The following MAP3K15 variants were observed in gnomAD, a reference collection of about 807,000 sequenced individuals.
The protein encoded by MAP3K15 is mitogen-activated protein kinase kinase kinase 15, also known as MAPK/ERK kinase kinase 15.
In MAP3K15, 124 loss-of-function variants were observed where a neutral mutation model predicts 99.5. The ratio of observed to expected loss-of-function variants is 1.25; its 90% CI spans 1.08 to 1.45. The LOEUF (loss-of-function observed/expected upper bound fraction) is 1.45, where lower values mean the gene tolerates loss of function less well. MAP3K15 is among the 40% of genes most tolerant of loss of function. The pLI, the probability that MAP3K15 is intolerant of heterozygous loss-of-function variation, is 0.00. For missense variants in MAP3K15, 1,242 were observed against 1,079.7 expected, an observed-to-expected ratio of 1.15 and a Z score of -2.11; for synonymous variants, 494 against 439.6, an observed-to-expected ratio of 1.12 and a Z score of -1.55.
At chrX:19,492,404 A>G (rs942061669) in intron 1 of MAP3K15, among the ~76,000 whole-genome samples, 1 of 111,473 alleles carries the variant, frequency 9.0e-6, no homozygotes, top group East Asian at 2.8e-4. Context: ...TGTCTCACCT[A>G]AAAATATTTT....
At chrX:19,387,621 A>G (rs1475206420) in intron 18 of MAP3K15, among the ~76,000 whole-genome samples, 2 of 111,081 alleles carry the variant, frequency 1.8e-5, no homozygotes, top group Non-Finnish European at 3.8e-5. Flanking sequence ...TCCTGGGCTC[A>G]AGCGATCCTC....
intron 24 of MAP3K15, among the ~76,000 whole-genome samples, chrX:19,369,987 G>C (rs1406848083): frequency 1.8e-5 from 2 of 111,472 alleles, no homozygotes; most frequent in African/African-American, 6.5e-5. Context: ...ACTACAGAAG[G>C]TGTCTGCTTG....
intron 10 of MAP3K15, chrX:19,414,401 A>C (rs73637640): frequency 0.13 from 29,359 of 234,631 alleles, 6,215 homozygotes; most frequent in African/African-American, 0.72. Context: ...TTCAAACAAT[A>C]TTTTATTAGA....
chrX:19,465,192 C>A (rs1569233956), intron 3 of MAP3K15, among the ~76,000 whole-genome samples: 1 of 111,208 alleles, frequency 9.0e-6, no homozygotes, highest in African/African-American at 3.3e-5. Context: ...CCATATCTGG[C>A]CTAAATTTCG....
intron 16 of MAP3K15, among the ~76,000 whole-genome samples, 197 bp downstream of exon 16, chrX:19,394,884 T>C (rs2063557143): frequency 1.1e-5 from 1 of 94,338 alleles, no homozygotes; most frequent in Admixed American, 1.3e-4. Flanking sequence ...AGTGCAGTGC[T>C]GTGATCATGG....
intron 4 of MAP3K15, among the ~76,000 whole-genome samples, chrX:19,463,232 T>C (rs2064143959): frequency 1.8e-5 from 2 of 111,999 alleles, no homozygotes; most frequent in Non-Finnish European, 3.8e-5. Flanking sequence ...TCCTTTTCCA[T>C]TAAAGTCTGT....
At chrX:19,434,271 C>A (rs944818116) in intron 6 of MAP3K15, among the ~76,000 whole-genome samples, 3 of 108,699 alleles carry the variant, frequency 2.8e-5, no homozygotes, top group Non-Finnish European at 5.7e-5. Context: ...TGTCACCCAG[C>A]CTGGAGTGTG....
At chrX:19,400,215 G>A (rs1029300377) in intron 14 of MAP3K15, among the ~76,000 whole-genome samples, 2 of 112,024 alleles carry the variant, frequency 1.8e-5, no homozygotes, top group African/African-American at 6.5e-5. Flanking sequence ...TATGCACATA[G>A]CTATAACTAA....
intron 3 of MAP3K15, among the ~76,000 whole-genome samples, chrX:19,470,956 CA>C (rs905559322): frequency 9.2e-6 from 1 of 109,172 alleles, no homozygotes; most frequent in Non-Finnish European, 1.9e-5. Flanking sequence ...GAAAAATTAC[CA>C]AAAAAAAGGA....
At chrX:19,477,181 T>C (rs2064248611) in intron 3 of MAP3K15, among the ~76,000 whole-genome samples, 1 of 111,422 alleles carries the variant, frequency 9.0e-6, no homozygotes, top group South Asian at 3.8e-4. Context: ...GAATTAAATA[T>C]GAATAATTTG....
intron 13 of MAP3K15, among the ~76,000 whole-genome samples, chrX:19,404,965 CT>C (rs1222507257): frequency 9.0e-6 from 1 of 110,964 alleles, no homozygotes; most frequent in African/African-American, 3.3e-5. Context: ...GACAAAGCTT[CT>C]AAGACAAGAG....
chrX:19,367,723 A>ATGTT (rs2063344606), intron 25 of MAP3K15, among the ~76,000 whole-genome samples: 1 of 24,107 alleles, frequency 4.1e-5, no homozygotes, highest in Non-Finnish European at 8.1e-5. Flanking sequence ...ATAACTATGG[A>ATGTT]TTTTTTTTTT....
intron 18 of MAP3K15, among the ~76,000 whole-genome samples, chrX:19,386,314 G>A (rs2063493370): frequency 9.0e-6 from 1 of 110,977 alleles, no homozygotes; most frequent in East Asian, 2.8e-4. Context: ...AAATTAGCCG[G>A]GCATGGTGGC....
chrX:19,454,086 A>G (rs929853289), intron 6 of MAP3K15, among the ~76,000 whole-genome samples: 1 of 110,231 alleles, frequency 9.1e-6, no homozygotes, highest in Non-Finnish European at 1.9e-5. Flanking sequence ...CTCATCTAGC[A>G]CTCCCCTTAT....
chrX:19,472,623 C>G (rs979284400), intron 3 of MAP3K15, among the ~76,000 whole-genome samples: 18 of 111,376 alleles, frequency 1.6e-4, no homozygotes, highest in Non-Finnish European at 3.2e-4. Flanking sequence ...TAATATAACT[C>G]TCTCTCTCCC....
chrX:19,437,063 TACTC>T (rs1470093545), intron 6 of MAP3K15, among the ~76,000 whole-genome samples: 3 of 111,917 alleles, frequency 2.7e-5, no homozygotes, highest in Non-Finnish European at 3.8e-5. Flanking sequence ...TTCTTCCTCT[TACTC>T]AGGCCAAAAA....
intron 3 of MAP3K15, among the ~76,000 whole-genome samples, chrX:19,470,325 C>T (rs2064199324): frequency 9.0e-6 from 1 of 110,734 alleles, no homozygotes; most frequent in Admixed American, 9.6e-5. Flanking sequence ...ACCACATGTT[C>T]TCACTCTTAG....
rs762102865 is a variant in MAP3K15, at chrX:19,486,495, G to T, written c.512C>A (p.Thr171Asn). 5 of 873,098 alleles carry T rather than the reference G, an allele frequency of 5.7e-6. No homozygotes were observed. The highest frequency in any genetic ancestry group is 7.7e-6 in the Non-Finnish European group (5 of 648,091). The allele number at this position is 873,098 out of a possible 1,213,427, so 72.0% of individuals were successfully genotyped here. Residue 171 changes from threonine to asparagine, a missense_variant, in exon 3 of 29, where the codon ACT becomes AAT. Physicochemically the swap from Thr to Asn is moderately conservative, Grantham distance 65. Coordinates refer to ENST00000338883, the MANE Select transcript of MAP3K15 (RefSeq NM_001001671.4). ...DTALSLKDMVTQKNTASSGNY... is the reference protein window; with the variant it reads ...DTALSLKDMVNQKNTASSGNY... ...GTTAATACTTACTGTGTTTTTTTGA[G>T]TTACCATGTCCTGAAAAGAAAAAGA... is the stretch of plus-strand genomic sequence containing the variant.
At chrX:19,377,832 G>A (rs191678039) in intron 19 of MAP3K15, among the ~76,000 whole-genome samples, 2 of 112,450 alleles carry the variant, frequency 1.8e-5, no homozygotes, top group African/African-American at 3.2e-5. Context: ...TGCTGAGGAC[G>A]GTCATTGCTG....
Sources: allele counts gnomAD v4.1 joint callset (sites outside exome capture counted in the v4.1 genomes callset), GRCh38; gene constraint gnomAD v4.1.1; transcripts MANE v1.5; gene names NCBI Gene and HGNC (gene_info 2026-07-23, HGNC 2026-07-21).